Variants in RYR2 observed in about 807,000 individuals in gnomAD.
RYR2 encodes the protein ryanodine receptor 2.
In RYR2, 227 loss-of-function variants were observed where a neutral mutation model predicts 601.1. The observed-to-expected ratio is 0.38, with a 90% confidence interval of 0.34 to 0.42. The LOEUF (loss-of-function observed/expected upper bound fraction) is 0.42, where lower values mean the gene tolerates loss of function less well. RYR2 is among the 10% of genes least tolerant of loss of function. The probability of loss-of-function intolerance (pLI) is 1.00; values close to 1 mark genes in which losing one functional copy is unlikely to be tolerated. For synonymous variants in RYR2, 2,223 were observed against 2,175.1 expected (o/e 1.02, Z -0.61); for missense variants, 4,646 against 6,156.5 (o/e 0.75, Z 8.21).
At chr1:237,050,484 C>A (rs1383591497) in intron 1 of RYR2, among the ~76,000 whole-genome samples, 5 of 152,188 alleles carry the variant, frequency 3.3e-5, no homozygotes, top group Non-Finnish European at 5.9e-5. Flanking sequence ...AAGGAAGGAA[C>A]AATTCAATGT....
chr1:237,531,783 A>G (rs371726091), intron 25 of RYR2, among the ~76,000 whole-genome samples: 45 of 152,324 alleles, frequency 3.0e-4, no homozygotes, highest in African/African-American at 1.0e-3. Flanking sequence ...TTTTATGGGT[A>G]CATTTTGCAT....
intron 29 of RYR2, among the ~76,000 whole-genome samples, chr1:237,588,579 T>C (rs1225193159): frequency 6.6e-6 from 1 of 152,138 alleles, no homozygotes. Context: ...ACACCTGTAA[T>C]CCCAGCACTT....
rs1260546531 is a variant in RYR2, at chr1:237,595,762, C to T, written c.4596+105C>T. ...TCAAAAAGTAAAATAGACACATGTA[C>T]ATGTGCCCCTGGTCTGAAAATCAGC... On this transcript the variant is annotated intron_variant, in intron 34 of 104. Transcript: ENST00000366574. 11 of 1,337,348 alleles carry T rather than the reference C, an allele frequency of 8.2e-6. No individual in the cohort carries two copies. The East Asian group carries it at 2.6e-4, about 32-fold the overall frequency. 82.8% of individuals were successfully genotyped at this position (1,337,348 alleles called of 1,614,324 possible).
At chr1:237,241,487 A>C (rs879522124) in intron 1 of RYR2, among the ~76,000 whole-genome samples, 4 of 152,174 alleles carry the variant, frequency 2.6e-5, no homozygotes, top group Non-Finnish European at 4.4e-5. Context: ...TCACAGGGTA[A>C]ATCTCAAAAT....
chr1:237,754,394 C>T (rs575469542), intron 80 of RYR2, among the ~76,000 whole-genome samples: 2 of 152,254 alleles, frequency 1.3e-5, no homozygotes, highest in South Asian at 4.1e-4. Flanking sequence ...TTTAACTGAT[C>T]TTCCCCCTTT....
At chr1:237,280,609 T>C (rs1359528823) in intron 2 of RYR2, among the ~76,000 whole-genome samples, 1 of 152,228 alleles carries the variant, frequency 6.6e-6, no homozygotes, top group Non-Finnish European at 1.5e-5. Flanking sequence ...ATTTTGTGAC[T>C]ATCTTGTCAA....
chr1:237,176,975 A>C (rs1678126505), intron 1 of RYR2, among the ~76,000 whole-genome samples: 2 of 152,216 alleles, frequency 1.3e-5, no homozygotes, highest in Admixed American at 1.3e-4. Flanking sequence ...TTATATCTTG[A>C]TATTTACTGA....
intron 19 of RYR2, among the ~76,000 whole-genome samples, chr1:237,494,936 GCA>G (rs369345783): frequency 1.1e-3 from 171 of 151,926 alleles, no homozygotes; most frequent in African/African-American, 4.1e-3. Flanking sequence ...GATTACAGGT[GCA>G]CACCACCACA....
Position 237,500,812 on chromosome 1 carries a change from C to T in RYR2, c.2305C>T (p.Arg769Ter). 3 of 1,613,974 alleles carry T rather than the reference C, an allele frequency of 1.9e-6. No individual in the cohort carries two copies. The highest frequency in any genetic ancestry group is 2.5e-6 in the Non-Finnish European group (3 of 1,179,882). The stretch of plus-strand genomic sequence containing the variant: ...TCTGAGTGCCCCAAGCATCTCGTTC[C>T]GAATTAATGGACAACCTGTTCAAGG... ...LDLSAPSISF[R>*]INGQPVQGMF... The change falls in exon 21 of 105, where the codon CGA becomes TGA. Residue 769 changes from arginine (R) to a stop codon, truncating the protein, a stop_gained. Transcript: ENST00000366574. LOFTEE classifies it high-confidence loss of function.
chr1:237,084,027 C>T (rs1399028731), intron 1 of RYR2, among the ~76,000 whole-genome samples: 1 of 152,166 alleles, frequency 6.6e-6, no homozygotes, highest in Non-Finnish European at 1.5e-5. Context: ...CACCTCTGTT[C>T]TCCCTGGGCC....
At chr1:237,148,523 AAAAAATATATAT>A (rs1382085238) in intron 1 of RYR2, among the ~76,000 whole-genome samples, 50 of 48,300 alleles carry the variant, frequency 1.0e-3, no homozygotes, top group Admixed American at 4.3e-3. Context: ...AGTAAAAAAA[AAAAAATATATAT>A]ATATATATAT....
At chr1:237,831,083 G>C (rs1574127782) in intron 103 of RYR2, among the ~76,000 whole-genome samples, 1 of 152,178 alleles carries the variant, frequency 6.6e-6, no homozygotes, top group African/African-American at 2.4e-5. Context: ...CTCGAGATTA[G>C]CCAAAAGTAT....
Position 237,491,886 on chromosome 1 carries a change from A to G in RYR2, c.1789A>G (p.Ile597Val), listed in dbSNP as rs770408945. ...NIIKEGHIKS[I>V]ISLLDKHGRN... The stretch of plus-strand genomic sequence containing the variant: ...TATTAAAGAAGGACATATTAAATCT[A>G]TTATCTCACTTTTAGACAAACATGG... Residue 597 changes from isoleucine to valine, a missense_variant, in exon 18 of 105, where the codon ATT becomes GTT. This residue lies in a region of RYR2 where 1,807 missense variants were observed against 2,088.1 expected (regional missense o/e 0.87). Coordinates refer to ENST00000366574, the MANE Select transcript of RYR2 (RefSeq NM_001035.3). The G allele has an allele frequency of 1.3e-5, 18 of 1,428,946 alleles. 1 individual carries two copies. In the South Asian group the frequency reaches 2.3e-4, roughly 18 times the overall value. The allele number at this position is 1,428,946 out of a possible 1,614,324, so 88.5% of individuals were successfully genotyped here.
intron 62 of RYR2, among the ~76,000 whole-genome samples, chr1:237,683,617 G>A (rs749171373): frequency 2.8e-4 from 43 of 152,308 alleles, no homozygotes; most frequent in Non-Finnish European, 5.7e-4. Context: ...TAGGGGAAAG[G>A]TAGGTTATAT....
intron 25 of RYR2, among the ~76,000 whole-genome samples, chr1:237,531,465 T>C (rs12085148): frequency 0.089 from 13,514 of 152,234 alleles, 675 homozygotes; most frequent in Middle Eastern, 0.18. Flanking sequence ...TTTTCTGATG[T>C]GCAGGACTTG....
At chr1:237,272,144 G>C (rs1689754007) in intron 2 of RYR2, among the ~76,000 whole-genome samples, 1 of 152,020 alleles carries the variant, frequency 6.6e-6, no homozygotes. Flanking sequence ...AAAAGAAAAA[G>C]AAAGAGAACT....
intron 66 of RYR2, 40 bp from the exon 67 acceptor site, chr1:237,705,172 CA>C: frequency 6.4e-7 from 1 of 1,569,190 alleles, no homozygotes. Flanking sequence ...TTTAGTTACT[CA>C]CTTGGAAGAC....
intron 1 of RYR2, among the ~76,000 whole-genome samples, chr1:237,067,690 C>T (rs6428985): frequency 0.77 from 117,618 of 152,134 alleles, 46,041 homozygotes; most frequent in East Asian, 0.99. Context: ...TGTAGCAAAA[C>T]TTGTGTATCA....
intron 100 of RYR2, among the ~76,000 whole-genome samples, chr1:237,814,437 TTC>T (rs1038378089): frequency 3.3e-5 from 5 of 152,160 alleles, no homozygotes; most frequent in African/African-American, 1.2e-4. Context: ...TTCTGGTTGT[TTC>T]TGTGGCTCTG....
Sources: gnomAD v4.1 joint callset for allele counts (sites outside exome capture counted in the v4.1 genomes callset) on GRCh38, gnomAD v4.1.1 for gene constraint, gnomAD v4.1.1 regional missense constraint, MANE v1.5 for transcripts, NCBI Gene and HGNC (gene_info 2026-07-23, HGNC 2026-07-21) for gene names.